The following TTC12 variants were observed in gnomAD, a reference collection of about 807,000 sequenced individuals.
TTC12 encodes tetratricopeptide repeat protein 12.
Under a neutral mutation model 90.1 loss-of-function variants are expected in TTC12, and 70 were observed. That is an observed-to-expected ratio of 0.78 (90% CI 0.64 to 0.95). The LOEUF is 0.95. Ranked by LOEUF, TTC12 falls within the 40% of genes least tolerant of loss-of-function variation. The pLI is 0.00. For synonymous variants in TTC12, 296 were observed against 311.5 expected (o/e 0.95, Z 0.53); for missense variants, 819 against 846.1 (o/e 0.97, Z 0.40).
intron 7 of TTC12, among the ~76,000 whole-genome samples, chr11:113,332,397 G>T (rs1380372288): frequency 6.6e-6 from 1 of 152,190 alleles, no homozygotes; most frequent in Non-Finnish European, 1.5e-5. Context: ...TAGGCTGGGG[G>T]ACAAGGCTTT....
Position 113,363,859 on chromosome 11 carries a change from T to C in TTC12, c.1748T>C (p.Ile583Thr). 6.2e-7 allele frequency: 1 copy of C among 1,613,570 alleles called. No individual in the cohort carries two copies. The highest frequency in any genetic ancestry group is 8.5e-7 in the Non-Finnish European group (1 of 1,179,452). ...TGGETASRYA[I>T]KILAICTNSY... ...GGTGAGACTGCATCACGTTATGCTATAAAGATACTAGCTATCTGCACGAAT... is the reference window on the plus strand; with the variant it reads ...GGTGAGACTGCATCACGTTATGCTACAAAGATACTAGCTATCTGCACGAAT... The change falls in exon 20 of 22, where the codon ATA becomes ACA. Residue 583 changes from isoleucine to threonine, a missense_variant. Physicochemically the swap from Ile to Thr is moderately conservative, Grantham distance 89 (BLOSUM62 -1). Transcript: ENST00000529221.
At chr11:113,348,001 G>A (rs1317991149) in intron 13 of TTC12, among the ~76,000 whole-genome samples, 1 of 152,090 alleles carries the variant, frequency 6.6e-6, no homozygotes, top group African/African-American at 2.4e-5. Flanking sequence ...GGTTTCCTTT[G>A]CAAGCCCCCC....
chr11:113,345,579 G>T (rs782091674), intron 13 of TTC12, among the ~76,000 whole-genome samples: 9 of 152,182 alleles, frequency 5.9e-5, no homozygotes, highest in African/African-American at 2.2e-4. Context: ...TGACAGGATG[G>T]TTATTAAGCC....
At position 113,351,915 on chromosome 11, in the gene TTC12, A is replaced by G. The variant is rs782146311; in HGVS notation, c.1309-155A>G. 4.6e-5 allele frequency among the ~76,000 whole-genome samples: 7 copies of G among 152,324 alleles called. No individual in the cohort carries two copies. In the South Asian group the frequency reaches 8.3e-4, roughly 18 times the overall value. On this transcript the variant is annotated intron_variant, in intron 15 of 21. Coordinates refer to ENST00000529221, the MANE Select transcript of TTC12 (RefSeq NM_017868.4). ...TGGGTTTACCCCTCTATGTGCCTCC[A>G]TCCGTTGCCAGTGAGACCCCAGGGA...
chr11:113,372,011 C>G (rs1437965933), intron 21 of TTC12, among the ~76,000 whole-genome samples: 1 of 152,132 alleles, frequency 6.6e-6, no homozygotes. Flanking sequence ...CCTATATGCT[C>G]TTTTCTGGGG....
At chr11:113,338,226 A>C (rs111416104) in intron 8 of TTC12, among the ~76,000 whole-genome samples, 1 of 152,140 alleles carries the variant, frequency 6.6e-6, no homozygotes, top group East Asian at 1.9e-4. Flanking sequence ...GTAACTTTCT[A>C]TCTAGCAGTT....
intron 7 of TTC12, among the ~76,000 whole-genome samples, chr11:113,330,195 T>A (rs1555142299): frequency 6.6e-6 from 1 of 152,246 alleles, no homozygotes; most frequent in African/African-American, 2.4e-5. Context: ...CTGCTGCTAT[T>A]GAAGTTTCAA....
At chr11:113,327,956 C>T (rs1483408938) in intron 6 of TTC12, among the ~76,000 whole-genome samples, 1 of 152,254 alleles carries the variant, frequency 6.6e-6, no homozygotes, top group East Asian at 1.9e-4. Flanking sequence ...CATTTGCTGG[C>T]TGTTGCCTAC....
chr11:113,323,577 A>G, intron 3 of TTC12, 126 bp downstream of exon 3: 2 of 594,950 alleles, frequency 3.4e-6, no homozygotes, highest in Non-Finnish European at 5.2e-6. Context: ...TTTATTTTTT[A>G]TAAGAAAGTA....
chr11:113,338,787 A>G lies in TTC12; in HGVS notation c.590A>G (p.Tyr197Cys). 1 of 1,613,950 alleles carries G rather than the reference A, an allele frequency of 6.2e-7. No homozygotes were observed. The highest frequency in any genetic ancestry group is 8.5e-7 in the Non-Finnish European group (1 of 1,179,818). ...LKNYSVSREC[Y>C]KKILEINPKL... ...TCTTTTTTCCAGTCTAGAGAGTGTT[A>G]TAAGAAGATCTTAGAAATAAACCCC... Residue 197 changes from tyrosine (Y) to cysteine (C), a missense_variant, in exon 9 of 22, where the codon TAT becomes TGT. Physicochemically the swap from Tyr to Cys is radical, Grantham distance 194. Transcript: ENST00000529221.
intron 12 of TTC12, among the ~76,000 whole-genome samples, chr11:113,343,898 C>T (rs1023820384): frequency 1.3e-5 from 2 of 152,118 alleles, no homozygotes; most frequent in South Asian, 2.1e-4. Context: ...GATTTATTTC[C>T]CTTTGCTAGT....
intron 6 of TTC12, among the ~76,000 whole-genome samples, chr11:113,327,605 G>A (rs1348059974): frequency 6.6e-6 from 1 of 152,036 alleles, no homozygotes. Flanking sequence ...GATTGAGGAA[G>A]TTATAGGGTG....
At chr11:113,327,058 C>T (rs1343651818) in intron 6 of TTC12, among the ~76,000 whole-genome samples, 17 of 152,128 alleles carry the variant, frequency 1.1e-4, no homozygotes, top group African/African-American at 3.6e-4. Flanking sequence ...AGTTGTGTTA[C>T]TCTGAAATTA....
chr11:113,332,459 G>A (rs907501805), intron 7 of TTC12, among the ~76,000 whole-genome samples: 4 of 152,232 alleles, frequency 2.6e-5, no homozygotes, highest in Non-Finnish European at 5.9e-5. Flanking sequence ...TGCTCTGCCA[G>A]TGAATGCACT....
chr11:113,336,940 T>TA (rs1287941022), intron 8 of TTC12, among the ~76,000 whole-genome samples: 4 of 152,234 alleles, frequency 2.6e-5, no homozygotes, highest in Non-Finnish European at 5.9e-5. Flanking sequence ...ATTTGGCAAG[T>TA]ACTGCTATCT....
chr11:113,316,413 T>G, intron 2 of TTC12, 98 bp downstream of exon 2: 1 of 519,936 alleles, frequency 1.9e-6, no homozygotes, highest in Admixed American at 3.5e-5. Flanking sequence ...GGTTTATAAC[T>G]CTTAGGAAAA....
chr11:113,347,854 A>C (rs1949059306), intron 13 of TTC12, among the ~76,000 whole-genome samples: 2 of 152,286 alleles, frequency 1.3e-5, no homozygotes, highest in South Asian at 4.1e-4. Flanking sequence ...TAAAGATGTC[A>C]AGGTCAAAGT....
intron 16 of TTC12, among the ~76,000 whole-genome samples, chr11:113,354,128 C>CT (rs1949482204): frequency 6.6e-6 from 1 of 152,116 alleles, no homozygotes; most frequent in African/African-American, 2.4e-5. Flanking sequence ...TGTGTTATCT[C>CT]TGATTTCTTT....
chr11:113,368,103 C>G, downstream of TTC12: 4 of 1,159,838 alleles, frequency 3.4e-6, no homozygotes, highest in Non-Finnish European at 3.4e-6. Flanking sequence ...TCCTTCTTGG[C>G]TCTTGAAAAT....
Sources: allele counts gnomAD v4.1 joint callset (sites outside exome capture counted in the v4.1 genomes callset), GRCh38; gene constraint gnomAD v4.1.1; transcripts MANE v1.5; gene names NCBI Gene and HGNC (gene_info 2026-07-23, HGNC 2026-07-21).